KLF13: variants seen among roughly 807,000 people sequenced by gnomAD.
KLF13 encodes KLF transcription factor 13.
KLF13 carries 8 observed loss-of-function variants against 16.7 expected under a neutral mutation model. That is an observed-to-expected ratio of 0.48 (90% CI 0.28 to 0.87). The LOEUF is 0.87. KLF13 is among the 40% of genes least tolerant of loss of function. The pLI is 0.10. For synonymous variants in KLF13, 245 were observed against 208.4 expected (o/e 1.18, Z -1.51); for missense variants, 447 against 452.2 (o/e 0.99, Z 0.10).
At chr15:31,343,439 C>T (rs1199013016) in intron 1 of KLF13, among the ~76,000 whole-genome samples, 3 of 152,198 alleles carry the variant, frequency 2.0e-5, no homozygotes, top group Non-Finnish European at 2.9e-5. Context: ...CAGGTGTCGG[C>T]CCCCAGCAGT....
chr15:31,345,769 G>A (rs181760361), intron 1 of KLF13, among the ~76,000 whole-genome samples: 3 of 152,152 alleles, frequency 2.0e-5, no homozygotes, highest in African/African-American at 4.8e-5. Flanking sequence ...GTTCTGACCC[G>A]GGTGTCTGCC....
downstream of KLF13, among the ~76,000 whole-genome samples, chr15:31,406,305 C>T (rs762101139): frequency 2.6e-5 from 4 of 152,132 alleles, no homozygotes; most frequent in Non-Finnish European, 5.9e-5. Context: ...GGCGAAACCC[C>T]ATCTCTACTA....
downstream of KLF13, among the ~76,000 whole-genome samples, chr15:31,405,340 A>G (rs2040110432): frequency 6.6e-6 from 1 of 152,174 alleles, no homozygotes; most frequent in South Asian, 2.1e-4. Flanking sequence ...AAAAAAAGAA[A>G]AGAGCTTGGA....
At chr15:31,391,514 G>C (rs1195411304), upstream of KLF13, among the ~76,000 whole-genome samples, 1 of 152,016 alleles carries the variant, frequency 6.6e-6, no homozygotes, top group Non-Finnish European at 1.5e-5. Flanking sequence ...TGGGGGCCCT[G>C]CACCGGCCCA....
chr15:31,395,035 A>G (rs1319724225), intron 2 of KLF13, among the ~76,000 whole-genome samples: 1 of 152,180 alleles, frequency 6.6e-6, no homozygotes, highest in Non-Finnish European at 1.5e-5. Context: ...GCTGGAGTGC[A>G]GTGAGGCAAT....
chr15:31,421,513 G>A (rs2040322934), intron 1 of KLF13, among the ~76,000 whole-genome samples: 1 of 152,100 alleles, frequency 6.6e-6, no homozygotes, highest in East Asian at 1.9e-4. Context: ...ATAACATAAA[G>A]TAGGGGAGAT....
intron 1 of KLF13, among the ~76,000 whole-genome samples, chr15:31,359,509 A>T (rs921139500): frequency 6.6e-6 from 1 of 152,140 alleles, no homozygotes; most frequent in Non-Finnish European, 1.5e-5. Context: ...CTTGGGTGAA[A>T]GGTACGTGTG....
downstream of KLF13, among the ~76,000 whole-genome samples, chr15:31,381,573 C>G (rs77490987): frequency 0.038 from 5,809 of 152,248 alleles, 383 homozygotes; most frequent in African/African-American, 0.13. Context: ...GCCTTCATGT[C>G]CTTCCTGCAC....
upstream of KLF13, among the ~76,000 whole-genome samples, chr15:31,391,887 G>A (rs1471796535): frequency 1.3e-5 from 2 of 152,114 alleles, no homozygotes; most frequent in South Asian, 2.1e-4. Context: ...CTGCCGGCCC[G>A]GGGGAGGATC....
chr15:31,430,118 A>G (rs1249793364), intron 1 of KLF13, among the ~76,000 whole-genome samples: 1 of 152,174 alleles, frequency 6.6e-6, no homozygotes, highest in African/African-American at 2.4e-5. Flanking sequence ...AACAGCACTA[A>G]TGATAAAGGA....
Position 31,372,341 on chromosome 15 carries a change from G to A in KLF13, c.*42G>A. The A allele has an allele frequency of 7.1e-7, 1 of 1,408,168 alleles. No homozygotes were observed. Among genetic ancestry groups the A allele is most frequent in the Non-Finnish European group, 9.2e-7 (1 of 1,084,008 alleles). 87.2% of individuals were successfully genotyped at this position (1,408,168 alleles called of 1,614,324 possible). On this transcript the variant is annotated 3_prime_UTR_variant, in exon 2 of 2. Transcript: ENST00000307145. ...AGCAGCCGCTCCCACCCCCTCGTGA[G>A]TCCCTGGCCTTTCCTTTTGTAATAA...
At chr15:31,370,046 T>A (rs940885023) in intron 1 of KLF13, among the ~76,000 whole-genome samples, 1 of 135,346 alleles carries the variant, frequency 7.4e-6, no homozygotes, top group African/African-American at 3.0e-5. Context: ...TCCTTTTTCT[T>A]TTTTTTTTTT....
chr15:31,423,740 T>A (rs2040371376), intron 1 of KLF13, among the ~76,000 whole-genome samples: 1 of 152,154 alleles, frequency 6.6e-6, no homozygotes, highest in Non-Finnish European at 1.5e-5. Flanking sequence ...CATGGAACAT[T>A]CTTCAGGATA....
At chr15:31,399,085 C>T (rs1356432153) in intron 2 of KLF13, among the ~76,000 whole-genome samples, 1 of 152,174 alleles carries the variant, frequency 6.6e-6, no homozygotes, top group Non-Finnish European at 1.5e-5. Context: ...GATGGAGAAG[C>T]AGAGCAGACT....
upstream of KLF13, among the ~76,000 whole-genome samples, chr15:31,391,933 G>C (rs373413508): frequency 6.6e-6 from 1 of 152,252 alleles, no homozygotes; most frequent in East Asian, 1.9e-4. Context: ...ATTCCTGCGC[G>C]GACTGCCGCG....
chr15:31,434,516 G>A (rs1201386874), intron 1 of KLF13, among the ~76,000 whole-genome samples: 1 of 152,202 alleles, frequency 6.6e-6, no homozygotes, highest in Non-Finnish European at 1.5e-5. Context: ...AGGAGAGGCT[G>A]TGGATGGAGG....
rs1253397227 is a variant in KLF13 at position 31,374,660 on chromosome 15, AGG to A, written c.*2363_*2364del. The A allele has an allele frequency of 1.3e-5, 2 of 152,096 alleles. No individual in the cohort carries two copies. The highest frequency in any genetic ancestry group is 4.8e-5 in the African/African-American group (2 of 41,268). 9.4% of individuals were successfully genotyped at this position (152,096 alleles called of 1,614,324 possible). ...GTCCACCGTTCCCCAAGGCAGGGAG[AGG>A]GAGTGGCCCGTCCCTGGGAGGCTGG... On this transcript the variant is annotated 3_prime_UTR_variant, in exon 2 of 2. Transcript: ENST00000307145.
At chr15:31,346,518 CTCT>C (rs1260224314) in intron 1 of KLF13, among the ~76,000 whole-genome samples, 4 of 152,196 alleles carry the variant, frequency 2.6e-5, no homozygotes, top group African/African-American at 9.6e-5. Flanking sequence ...TCCCCGGGTT[CTCT>C]TCTTCCTCTG....
At chr15:31,394,611 G>T (rs1566834190) in intron 2 of KLF13, among the ~76,000 whole-genome samples, 1 of 152,234 alleles carries the variant, frequency 6.6e-6, no homozygotes, top group Non-Finnish European at 1.5e-5. Flanking sequence ...AGAGAGGATG[G>T]AGGTGGAAGT....
Sources: allele counts gnomAD v4.1 joint callset (sites outside exome capture counted in the v4.1 genomes callset), GRCh38; gene constraint gnomAD v4.1.1; transcripts MANE v1.5; gene names NCBI Gene and HGNC (gene_info 2026-07-23, HGNC 2026-07-21).